SMIM10L3: variants seen among roughly 807,000 people sequenced by gnomAD.
SMIM10L3 encodes the protein salivary gland specific protein SAGSIN1.
the SMIM10L3 span, among the ~76,000 whole-genome samples, chr7:6,339,482 CTTTT>C: frequency 2.6e-5 from 4 of 151,514 alleles, no homozygotes; most frequent in Admixed American, 1.3e-4. Context: ...CTGTGTACCC[CTTTT>C]TTTGTTTTTT....
the SMIM10L3 span, among the ~76,000 whole-genome samples, chr7:6,341,305 TG>T: frequency 6.6e-6 from 1 of 150,792 alleles, no homozygotes; most frequent in African/African-American, 2.4e-5. Context: ...TGGCTGGGCC[TG>T]GTGGCGGGCG....
chr7:6,339,566 C>G, the SMIM10L3 span, among the ~76,000 whole-genome samples: 1 of 151,798 alleles, frequency 6.6e-6, no homozygotes, highest in African/African-American at 2.4e-5. Flanking sequence ...TCACTGCAAG[C>G]TCCGCCTCCC....
the SMIM10L3 span, among the ~76,000 whole-genome samples, chr7:6,344,036 C>A: frequency 6.6e-6 from 1 of 151,978 alleles, no homozygotes; most frequent in African/African-American, 2.4e-5. Context: ...CAGGCATGCA[C>A]CACTACATTC....
the SMIM10L3 span, among the ~76,000 whole-genome samples, chr7:6,332,377 A>G: frequency 6.6e-6 from 1 of 152,132 alleles, no homozygotes; most frequent in Admixed American, 6.6e-5. Context: ...TGCCCTATGG[A>G]TACTGACCAG....
the SMIM10L3 span, chr7:6,330,439 T>A: frequency 6.2e-7 from 1 of 1,614,210 alleles, no homozygotes; most frequent in African/African-American, 1.3e-5. Flanking sequence ...CAGTGTTATC[T>A]GCAGACCATC....
At chr7:6,334,429 G>A in the SMIM10L3 span, among the ~76,000 whole-genome samples, 16 of 151,792 alleles carry the variant, frequency 1.1e-4, no homozygotes, top group South Asian at 1.2e-3. Context: ...CCTGCTACTC[G>A]GGAGGGTGAG....
At chr7:6,330,727 C>A in the SMIM10L3 span, 1 of 1,614,152 alleles carries the variant, frequency 6.2e-7, no homozygotes, top group East Asian at 2.2e-5. Context: ...GGGGCACTGT[C>A]CTCTGTGGCC....
the SMIM10L3 span, among the ~76,000 whole-genome samples, chr7:6,332,517 A>C: frequency 6.6e-6 from 1 of 152,144 alleles, no homozygotes; most frequent in African/African-American, 2.4e-5. Context: ...GTGTTCACTT[A>C]AAAAACACCA....
At chr7:6,338,640 G>C in the SMIM10L3 span, 1 of 152,248 alleles carries the variant, frequency 6.6e-6, no homozygotes, top group Admixed American at 6.6e-5. Context: ...CACCACAACA[G>C]GAGCGGTCAC....
chr7:6,334,281 A>C, the SMIM10L3 span, among the ~76,000 whole-genome samples: 3 of 150,026 alleles, frequency 2.0e-5, no homozygotes, highest in African/African-American at 7.3e-5. Context: ...CACGCCTGTA[A>C]TCCCAGCACT....
the SMIM10L3 span, among the ~76,000 whole-genome samples, chr7:6,345,789 G>C: frequency 1.4e-4 from 22 of 151,726 alleles, no homozygotes; most frequent in African/African-American, 5.3e-4. Context: ...ATTTTTTTGA[G>C]ACAGAGTCTC....
the SMIM10L3 span, among the ~76,000 whole-genome samples, chr7:6,340,310 T>C: frequency 2.0e-5 from 3 of 152,114 alleles, no homozygotes; most frequent in African/African-American, 7.2e-5. Flanking sequence ...GCAGCTACTA[T>C]CATCATCATG....
the SMIM10L3 span, among the ~76,000 whole-genome samples, chr7:6,337,115 AGGCT>A: frequency 1.3e-4 from 19 of 149,884 alleles, no homozygotes; most frequent in East Asian, 1.4e-3. Context: ...TGTCTCGCCC[AGGCT>A]GGAGTGCAGT....
chr7:6,333,074 G>A, the SMIM10L3 span, among the ~76,000 whole-genome samples: 2 of 151,024 alleles, frequency 1.3e-5, no homozygotes, highest in South Asian at 4.2e-4. Flanking sequence ...AGAGAATTGC[G>A]TGAACCCGGG....
the SMIM10L3 span, among the ~76,000 whole-genome samples, chr7:6,341,315 C>T: frequency 4.9e-3 from 649 of 132,674 alleles, 21 homozygotes; most frequent in East Asian, 0.086. Flanking sequence ...TGGTGGCGGG[C>T]GCCTGTAGTC....
chr7:6,336,958 T>G, the SMIM10L3 span, among the ~76,000 whole-genome samples: 1 of 152,140 alleles, frequency 6.6e-6, no homozygotes, highest in African/African-American at 2.4e-5. Flanking sequence ...CTGGCCATAT[T>G]CTTTCAAACC....
the SMIM10L3 span, among the ~76,000 whole-genome samples, chr7:6,338,478 TAA>T: frequency 6.6e-6 from 1 of 151,726 alleles, no homozygotes. Context: ...TCAGGAAAAA[TAA>T]AGTGTAGCCC....
the SMIM10L3 span, chr7:6,331,003 A>G: frequency 1.2e-6 from 2 of 1,614,142 alleles, no homozygotes; most frequent in East Asian, 4.5e-5. Context: ...TCCATCAACC[A>G]CAGGCTTATT....
chr7:6,336,388 A>G, the SMIM10L3 span, among the ~76,000 whole-genome samples: 1 of 151,280 alleles, frequency 6.6e-6, no homozygotes, highest in African/African-American at 2.4e-5. Flanking sequence ...TGAACCACAT[A>G]AAAGAATACA....
Sources: allele counts gnomAD v4.1 joint callset (sites outside exome capture counted in the v4.1 genomes callset), GRCh38; gene constraint gnomAD v4.1.1; transcripts MANE v1.5; gene names NCBI Gene and HGNC (gene_info 2026-07-23, HGNC 2026-07-21).